Variants in LCK observed in about 807,000 individuals in gnomAD.
The protein encoded by LCK is LCK proto-oncogene, Src family tyrosine kinase.
In LCK, 14 loss-of-function variants were observed where a neutral mutation model predicts 64.6. The observed-to-expected ratio is 0.22, with a 90% CI of 0.14 to 0.34. The LOEUF (loss-of-function observed/expected upper bound fraction) is 0.34, where lower values mean the gene tolerates loss of function less well. Ranked by LOEUF, LCK falls within the 10% of genes least tolerant of loss-of-function variation. The pLI is 1.00. For synonymous variants in LCK, 277 were observed against 263.6 expected (o/e 1.05, Z -0.49); for missense variants, 434 against 668.1 (o/e 0.65, Z 3.86).
Position 32,275,459 on chromosome 1 carries a change from C to T in LCK, c.377+40C>T. The T allele has an allele frequency of 1.2e-6, 2 of 1,601,668 alleles. No homozygotes were observed. Among genetic ancestry groups the T allele is most frequent in the Non-Finnish European group, 1.7e-6 (2 of 1,170,340 alleles). On this transcript the variant is annotated intron_variant, in intron 5 of 12. Coordinates refer to ENST00000336890, the MANE Select transcript of LCK (RefSeq NM_005356.5). The surrounding 1 kb of genome is among the most constrained non-coding windows in gnomAD (Gnocchi z 6.9). ...GTCGTGGGGGTGGGTAGGAGCAGAT[C>T]TAGGGATCCTGGAGCAGGGAGTAGG... is the stretch of plus-strand genomic sequence containing the variant.
In LCK at chr1:32,275,625, G is replaced by T; in HGVS notation, c.434G>T (p.Gly145Val). The stretch of plus-strand genomic sequence containing the variant: ...GCGGAGCGGCAGCTCCTGGCGCCCG[G>T]GAACACTCACGGCTCCTTCCTCATC... ...KDAERQLLAP[G>V]NTHGSFLIRE... Residue 145 changes from glycine (G) to valine (V), a missense_variant, in exon 6 of 13, where the codon GGG becomes GTG. Physicochemically the swap from Gly to Val is moderately radical, Grantham distance 109. Around this residue, in one of 2 missense-constraint regions of LCK, gnomAD observed 233 missense variants for 291.2 expected, o/e 0.80. Transcript: ENST00000336890. The surrounding 1 kb of genome is among the most constrained non-coding windows in gnomAD (Gnocchi z 6.9). 1 of 1,573,908 alleles carries T rather than the reference G, an allele frequency of 6.4e-7. No homozygotes were observed. The highest frequency in any genetic ancestry group is 1.3e-5 in the African/African-American group (1 of 74,288).
intron 9 of LCK, among the ~76,000 whole-genome samples, chr1:32,277,780 T>C (rs1640326656): frequency 6.6e-6 from 1 of 152,204 alleles, no homozygotes; most frequent in Non-Finnish European, 1.5e-5. Context: ...GTGATAATTA[T>C]ATCACCTCTT....
intron 12 of LCK, among the ~76,000 whole-genome samples, chr1:32,281,860 C>T (rs1258775398): frequency 5.3e-5 from 8 of 151,676 alleles, no homozygotes; most frequent in Admixed American, 3.9e-4. Flanking sequence ...GTCAGGTGTT[C>T]GAGACCAGCC....
In LCK at chr1:32,276,599, C is replaced by T. The variant is rs1415900065; in HGVS notation, c.785-8C>T. 1.9e-6 allele frequency: 3 copies of T among 1,599,046 alleles called. No homozygotes were observed. Among genetic ancestry groups the T allele is most frequent in the Admixed American group, 1.7e-5 (1 of 58,808 alleles). On this transcript the variant is annotated splice_region_variant and splice_polypyrimidine_tract_variant and intron_variant, in intron 8 of 12. Transcript: ENST00000336890. This position sits in a 1 kb window ranked among gnomAD's most constrained non-coding sequence, Gnocchi z 4.6. ...CGACTTTCCCACTCCTTCCCTTCCC[C>T]GACCCAGGGTACTACAACGGGCACA... is the stretch of plus-strand genomic sequence containing the variant.
At chr1:32,258,621 C>G (rs1477829555) in intron 1 of LCK, among the ~76,000 whole-genome samples, 2 of 151,232 alleles carry the variant, frequency 1.3e-5, no homozygotes, top group Non-Finnish European at 2.9e-5. Context: ...TTAGTTTCTA[C>G]TAAAAAACAC....
Position 32,276,728 on chromosome 1 carries a change from G to T in LCK, c.906G>T (p.Arg302=). Residue 302 remains arginine (R), a synonymous_variant, in exon 9 of 13, where the codon CGG becomes CGT. Coordinates refer to ENST00000336890, the MANE Select transcript of LCK (RefSeq NM_005356.5). This position sits in a 1 kb window ranked among gnomAD's most constrained non-coding sequence, Gnocchi z 4.6. ...AGCTGCAACACCAGCGGCTGGTTCG[G>T]CTCTACGCTGTGGTCACCCAGGAGC... The part of the protein sequence containing the change: ...MKQLQHQRLV[R]LYAVVTQEPI... 6.2e-7 allele frequency: 1 copy of T among 1,613,940 alleles called. No homozygotes were observed.
chr1:32,282,469 T>A (rs1420241676), intron 12 of LCK, among the ~76,000 whole-genome samples: 2 of 152,064 alleles, frequency 1.3e-5, no homozygotes, highest in Non-Finnish European at 2.9e-5. Context: ...TTTAGGAAAA[T>A]CTGTTCATTT....
intron 1 of LCK, among the ~76,000 whole-genome samples, chr1:32,255,820 T>A (rs968175915): frequency 2.1e-5 from 3 of 145,618 alleles, no homozygotes; most frequent in African/African-American, 7.5e-5. Context: ...TTTTTTTTTT[T>A]GAGACAGTGT....
In LCK at chr1:32,276,383, C is replaced by T; in HGVS notation, c.678C>T (p.Thr226=). The T allele has an allele frequency of 2.5e-6, 4 of 1,611,596 alleles. No individual in the cohort carries two copies. Among genetic ancestry groups the T allele is most frequent in the Non-Finnish European group, 3.4e-6 (4 of 1,179,712 alleles). Residue 226 remains threonine (T), a synonymous_variant, in exon 8 of 13, where the codon ACC becomes ACT. Transcript: ENST00000336890. The surrounding 1 kb of genome is among the most constrained non-coding windows in gnomAD (Gnocchi z 4.6). ...CACGGTTGAGCCGCCCCTGCCAGAC[C>T]CAGAAGCCCCAGAAGCCGTGGTGGG... ...LCTRLSRPCQ[T]QKPQKPWWED...
intron 1 of LCK, among the ~76,000 whole-genome samples, chr1:32,268,230 G>C (rs1461033309): frequency 6.6e-6 from 1 of 151,880 alleles, no homozygotes; most frequent in African/African-American, 2.4e-5. Context: ...TGAGAGAAAT[G>C]CAAATGCAGA....
chr1:32,267,378 A>ATTCATGACCT lies in LCK; in HGVS notation c.-5-6946_-5-6945insTCATGACCTT, dbSNP rs1392636893. On this transcript the variant is annotated intron_variant, in intron 1 of 12. Transcript: ENST00000336890. The stretch of plus-strand genomic sequence containing the variant: ...GGTCATGTTTGTTTAACTTACATGA[A>ATTCATGACCT]TAAGGTCAGGAAACACTCATGCTCT... Among the ~76,000 whole-genome samples, 245 of 152,338 alleles carry ATTCATGACCT rather than the reference A, an allele frequency of 1.6e-3. 1 individual carries two copies. Among genetic ancestry groups the ATTCATGACCT allele is most frequent in the African/African-American group, 5.6e-3 (234 of 41,576 alleles).
chr1:32,259,762 A>G (rs1639722367), intron 1 of LCK, among the ~76,000 whole-genome samples: 1 of 151,980 alleles, frequency 6.6e-6, no homozygotes, highest in Non-Finnish European at 1.5e-5. Flanking sequence ...GTGAGCTGTG[A>G]TTTTGCCACT....
rs1372514042 is a variant in LCK at position 32,275,659 on chromosome 1, C to T, written c.468C>T (p.Ser156=). 1.3e-6 allele frequency: 2 copies of T among 1,564,362 alleles called. No homozygotes were observed. The highest frequency in any genetic ancestry group is 2.4e-5 in the East Asian group (1 of 42,392). Residue 156 remains serine (S), a synonymous_variant, in exon 6 of 13, where the codon AGC becomes AGT. Transcript: ENST00000336890. The surrounding 1 kb of genome is among the most constrained non-coding windows in gnomAD (Gnocchi z 6.9). ...ACGGCTCCTTCCTCATCCGGGAGAG[C>T]GAGAGCACCGCGGGTGAGCGGGCGG... ...NTHGSFLIRE[S]ESTAGSFSLS...
At chr1:32,282,531 C>T (rs1640491792) in intron 12 of LCK, among the ~76,000 whole-genome samples, 1 of 152,132 alleles carries the variant, frequency 6.6e-6, no homozygotes, top group East Asian at 1.9e-4. Flanking sequence ...AGGGGCTGGG[C>T]ACGGTGACTC....
rs188952573 is a variant in LCK at position 32,254,221 on chromosome 1, T to A, written c.-6+2850T>A. 4.5e-3 allele frequency among the ~76,000 whole-genome samples: 680 copies of A among 152,250 alleles called. 3 individuals are homozygous for A. Among genetic ancestry groups the A allele is most frequent in the Admixed American group, 8.4e-3 (129 of 15,290 alleles). On this transcript the variant is annotated intron_variant, in intron 1 of 12. Transcript: ENST00000336890. The stretch of plus-strand genomic sequence containing the variant: ...CTGGGTGACACAGCTAGATTCTGTC[T>A]CTAAAAAATAAACACGGCAGAGTGC...
At chr1:32,253,850 G>GACAC (rs72025731) in intron 1 of LCK, among the ~76,000 whole-genome samples, 11,615 of 148,612 alleles carry the variant, frequency 0.078, 700 homozygotes, top group East Asian at 0.23. Flanking sequence ...GCCACACACA[G>GACAC]ACACACACAC....
At chr1:32,266,477 G>A (rs1410996717) in intron 1 of LCK, among the ~76,000 whole-genome samples, 1 of 145,950 alleles carries the variant, frequency 6.9e-6, no homozygotes, top group East Asian at 2.0e-4. Flanking sequence ...ACTCCAGCCT[G>A]GGCAACAGAG....
At chr1:32,260,092 G>GGA (rs2124313405) in intron 1 of LCK, among the ~76,000 whole-genome samples, 1 of 151,404 alleles carries the variant, frequency 6.6e-6, no homozygotes, top group East Asian at 1.9e-4. Context: ...TCGCCACGCT[G>GGA]GAGTGCAGTC....
At position 32,286,010 on chromosome 1, in the gene LCK, T is replaced by C. The variant is rs1427702415; in HGVS notation, c.*294T>C. ...ACAGAGAGAGGGGAGAAGCCTGGGA[T>C]TGACAGAAGCTTCTGCCCACCTACT... On this transcript the variant is annotated 3_prime_UTR_variant, in exon 13 of 13. Transcript: ENST00000336890. The C allele has an allele frequency of 6.7e-6, 3 of 449,052 alleles. No homozygotes were observed. The highest frequency in any genetic ancestry group is 5.8e-5 in the African/African-American group (3 of 51,946). 27.8% of individuals were successfully genotyped at this position (449,052 alleles called of 1,614,324 possible).
Sources: gnomAD v4.1 joint callset for allele counts (sites outside exome capture counted in the v4.1 genomes callset) on GRCh38, gnomAD v4.1.1 for gene constraint, gnomAD v4.1.1 regional missense constraint, Gnocchi (gnomAD v3.1) non-coding constraint, MANE v1.5 for transcripts, NCBI Gene and HGNC (gene_info 2026-07-23, HGNC 2026-07-21) for gene names.